SSH2: variants seen among roughly 807,000 people sequenced by gnomAD.
SSH2 encodes slingshot protein phosphatase 2.
In SSH2, 37 loss-of-function variants were observed where a neutral mutation model predicts 135.2. The observed-to-expected ratio is 0.27, with a 90% CI of 0.21 to 0.36. SSH2 has a LOEUF of 0.36. SSH2 is among the 10% of genes least tolerant of loss of function. The pLI, the probability that SSH2 is intolerant of heterozygous loss-of-function variation, is 1.00. For synonymous variants in SSH2, 628 were observed against 646.2 expected (o/e 0.97, Z 0.43); for missense variants, 1,408 against 1,765.3 (o/e 0.80, Z 3.63).
chr17:29,928,823 G>A (rs1042820175), intron 1 of SSH2, among the ~76,000 whole-genome samples: 12 of 152,062 alleles, frequency 7.9e-5, no homozygotes, highest in African/African-American at 2.7e-4. Flanking sequence ...TTTTTTTACA[G>A]TGGAAAGTGG....
chr17:29,678,657 A>G (rs2037828717), intron 6 of SSH2, among the ~76,000 whole-genome samples: 1 of 152,050 alleles, frequency 6.6e-6, no homozygotes, highest in Non-Finnish European at 1.5e-5. Flanking sequence ...CAGTTAATAG[A>G]AATGTCAACA....
chr17:29,640,318 C>T (rs377492064), intron 14 of SSH2, among the ~76,000 whole-genome samples: 3 of 151,798 alleles, frequency 2.0e-5, no homozygotes, highest in Admixed American at 6.6e-5. Flanking sequence ...CCTCGTGATC[C>T]GCTTGCCTCA....
intron 1 of SSH2, among the ~76,000 whole-genome samples, chr17:29,856,691 C>T (rs2065669383): frequency 6.6e-6 from 1 of 152,150 alleles, no homozygotes; most frequent in South Asian, 2.1e-4. Context: ...TCCTCCATCC[C>T]CGTCCTCCCA....
At chr17:29,894,576 A>G (rs1013293404) in intron 1 of SSH2, among the ~76,000 whole-genome samples, 1 of 152,048 alleles carries the variant, frequency 6.6e-6, no homozygotes, top group Non-Finnish European at 1.5e-5. Context: ...TATTTTTATT[A>G]TGGTATTGTT....
In SSH2 at chr17:29,632,510, C is replaced by T. The variant is rs1312517338; in HGVS notation, c.2684G>A (p.Arg895Gln). 14 of 1,614,188 alleles carry T rather than the reference C, an allele frequency of 8.7e-6. No individual in the cohort carries two copies. Among genetic ancestry groups the T allele is most frequent in the Non-Finnish European group, 1.2e-5 (14 of 1,180,006 alleles). ...GCGCTCTTCGAACTCCAAGGTGGCT[C>T]GCCTCACAGACCCAGGGTACCACTT... is the stretch of plus-strand genomic sequence containing the variant. ...GAKWYPGSVR[R>Q]ATLEFEERLR... The change falls in exon 16 of 16, where the codon CGA (arginine) becomes CAA (glutamine). Residue 895 changes from arginine to glutamine, a missense_variant. Physicochemically the swap from Arg to Gln is conservative, Grantham distance 43. Transcript: ENST00000540801.
intron 11 of SSH2, among the ~76,000 whole-genome samples, chr17:29,658,446 T>A (rs1374870063): frequency 6.6e-6 from 1 of 152,200 alleles, no homozygotes; most frequent in Non-Finnish European, 1.5e-5. Context: ...CCTGAGTACC[T>A]GGGACTACAA....
chr17:29,773,739 A>G (rs1349150216), intron 3 of SSH2, among the ~76,000 whole-genome samples: 1 of 151,970 alleles, frequency 6.6e-6, no homozygotes, highest in African/African-American at 2.4e-5. Context: ...GTGCAATGGC[A>G]CGATCTCGGC....
At chr17:29,887,155 G>C (rs12452201) in intron 1 of SSH2, among the ~76,000 whole-genome samples, 63,314 of 151,920 alleles carry the variant, frequency 0.42, 15,173 homozygotes, top group East Asian at 0.69. Context: ...TTAATTATAT[G>C]CCTATAGAGG....
Position 29,631,591 on chromosome 17 carries a change from C to T in SSH2, c.3603G>A (p.Val1201=), listed in dbSNP as rs758763369. 1 of 1,614,044 alleles carries T rather than the reference C, an allele frequency of 6.2e-7. No individual in the cohort carries two copies. The highest frequency in any genetic ancestry group is 1.3e-5 in the African/African-American group (1 of 74,916). ...TACTTAGCTGGGAGTCCTTATATGGCACCTCACTGCCACTGGAGAGAGGGC... is the reference window on the plus strand; with the variant it reads ...TACTTAGCTGGGAGTCCTTATATGGTACCTCACTGCCACTGGAGAGAGGGC... The part of the protein sequence containing the change: ...QESPLSSGSE[V]PYKDSQLSSA... The change falls in exon 16 of 16, where the codon GTG becomes GTA. Residue 1201 remains valine (V), a synonymous_variant. Coordinates refer to ENST00000540801, the MANE Select transcript of SSH2 (RefSeq NM_001282129.2).
intron 3 of SSH2, among the ~76,000 whole-genome samples, chr17:29,791,109 G>A (rs755663333): frequency 3.4e-5 from 5 of 146,880 alleles, no homozygotes; most frequent in Admixed American, 1.4e-4. Context: ...TTTTTGAGAC[G>A]GAGTCTTGCT....
intron 11 of SSH2, among the ~76,000 whole-genome samples, chr17:29,664,413 T>G (rs1457342003): frequency 6.6e-6 from 1 of 151,622 alleles, no homozygotes; most frequent in African/African-American, 2.4e-5. Context: ...TATTATATAA[T>G]AAAAGATGAT....
intron 9 of SSH2, 135 bp downstream of exon 9, chr17:29,671,800 C>T (rs957641185): frequency 3.7e-5 from 27 of 721,952 alleles, no homozygotes; most frequent in South Asian, 1.1e-4. Flanking sequence ...GTGGCAGACA[C>T]GTGCTATTCA....
At chr17:29,685,315 G>T (rs1005469803) in intron 5 of SSH2, among the ~76,000 whole-genome samples, 31 of 152,276 alleles carry the variant, frequency 2.0e-4, no homozygotes, top group Admixed American at 3.3e-4. Context: ...GGTCTTAGAT[G>T]AAATTAAGGA....
chr17:29,801,000 G>C (rs2042242255), intron 2 of SSH2, among the ~76,000 whole-genome samples: 2 of 151,682 alleles, frequency 1.3e-5, no homozygotes, highest in Admixed American at 6.6e-5. Context: ...CGAGTAGCTG[G>C]GATTACAGGT....
At chr17:29,828,689 T>C (rs2042786510) in intron 2 of SSH2, among the ~76,000 whole-genome samples, 1 of 152,204 alleles carries the variant, frequency 6.6e-6, no homozygotes, top group Admixed American at 6.5e-5. Flanking sequence ...ACAATCTATT[T>C]TGGTAAAGCA....
intron 6 of SSH2, among the ~76,000 whole-genome samples, chr17:29,678,615 T>C (rs2037826046): frequency 6.6e-6 from 1 of 152,056 alleles, no homozygotes; most frequent in Admixed American, 6.6e-5. Context: ...CACTGCTTTG[T>C]GACTGTGCAC....
intron 1 of SSH2, among the ~76,000 whole-genome samples, chr17:29,915,893 A>G (rs1365630469): frequency 6.6e-6 from 1 of 151,610 alleles, no homozygotes; most frequent in African/African-American, 2.4e-5. Flanking sequence ...GGTTTGTTAC[A>G]TATGTATACA....
chr17:29,633,690 A>T lies in SSH2; in HGVS notation c.2263-759T>A, dbSNP rs910714024. ...ATATTTTACTATTTTACCAGCTATA[A>T]ATTCCCAGGTGGATTTAGAACAAGG... On this transcript the variant is annotated intron_variant, in intron 15 of 15. Coordinates refer to ENST00000540801, the MANE Select transcript of SSH2 (RefSeq NM_001282129.2). Among the ~76,000 whole-genome samples, 27 of 152,210 alleles carry T rather than the reference A, an allele frequency of 1.8e-4. 1 individual carries two copies. The highest frequency in any genetic ancestry group is 5.8e-4 in the African/African-American group (24 of 41,454).
intron 5 of SSH2, among the ~76,000 whole-genome samples, chr17:29,687,466 G>A (rs1477020027): frequency 1.3e-5 from 2 of 152,186 alleles, no homozygotes; most frequent in African/African-American, 2.4e-5. Flanking sequence ...ATTCACTTAT[G>A]AGAAGCTAAG....
Sources: allele counts gnomAD v4.1 joint callset (sites outside exome capture counted in the v4.1 genomes callset), GRCh38; gene constraint gnomAD v4.1.1; transcripts MANE v1.5; gene names NCBI Gene and HGNC (gene_info 2026-07-23, HGNC 2026-07-21).